BNIP2: variants seen among roughly 807,000 people sequenced by gnomAD.
BNIP2 encodes the protein BCL2 interacting protein 2.
Under a neutral mutation model 43.4 loss-of-function variants are expected in BNIP2, and 36 were observed. The observed-to-expected ratio is 0.83, with a 90% CI of 0.64 to 1.10. The LOEUF (loss-of-function observed/expected upper bound fraction) is 1.10, where lower values mean the gene tolerates loss of function less well. Among genes scored for constraint, BNIP2 ranks in the 50% least tolerant of loss-of-function variants. The pLI is 0.00. For missense variants in BNIP2, 417 were observed against 374.1 expected (o/e 1.11, Z -0.95); for synonymous variants, 146 against 121.0 (o/e 1.21, Z -1.35).
chr15:59,688,980 C>A, intron 1 of BNIP2, 155 bp downstream of exon 1: 1 of 1,442,714 alleles, frequency 6.9e-7, no homozygotes, highest in Non-Finnish European at 9.0e-7. Context: ...GAAGCACCTC[C>A]CGAGCAGGTT....
intron 9 of BNIP2, among the ~76,000 whole-genome samples, chr15:59,667,300 C>T (rs2141988820): frequency 6.6e-6 from 1 of 152,306 alleles, no homozygotes; most frequent in East Asian, 1.9e-4. Context: ...AAGATAATTA[C>T]ATATAAATCT....
chr15:59,669,911 C>T (rs557612646), intron 7 of BNIP2, among the ~76,000 whole-genome samples: 1 of 152,302 alleles, frequency 6.6e-6, no homozygotes, highest in South Asian at 2.1e-4. Flanking sequence ...ATGCATATTT[C>T]ACACATAAAG....
intron 5 of BNIP2, among the ~76,000 whole-genome samples, chr15:59,674,974 G>C (rs1893176834): frequency 6.6e-6 from 1 of 152,116 alleles, no homozygotes; most frequent in African/African-American, 2.4e-5. Context: ...ATTTGGCCTG[G>C]GCACTGTGGC....
intron 5 of BNIP2, among the ~76,000 whole-genome samples, chr15:59,674,034 G>A (rs1487459381): frequency 1.4e-5 from 2 of 147,182 alleles, no homozygotes; most frequent in Admixed American, 6.9e-5. Flanking sequence ...AGGTTGCAGT[G>A]AGTCGAGACT....
At chr15:59,676,984 G>C (rs971068363) in intron 5 of BNIP2, 2 of 1,613,600 alleles carry the variant, frequency 1.2e-6, no homozygotes, top group South Asian at 2.2e-5. Flanking sequence ...TCTTAGGTCT[G>C]CTTGGTTATC....
At chr15:59,664,156 C>A (rs2141983333) in intron 9 of BNIP2, 36 bp from the exon 10 acceptor site, 2 of 1,331,874 alleles carry the variant, frequency 1.5e-6, no homozygotes, top group South Asian at 1.4e-5. Flanking sequence ...AAGAAACCAG[C>A]AACTGAACAA....
intron 6 of BNIP2, among the ~76,000 whole-genome samples, chr15:59,672,070 C>T: frequency 6.6e-6 from 1 of 152,074 alleles, no homozygotes; most frequent in Non-Finnish European, 1.5e-5. Flanking sequence ...AGTGAAACTC[C>T]ATCTCAAAAC....
At chr15:59,671,709 AAG>A (rs1412164036) in intron 6 of BNIP2, among the ~76,000 whole-genome samples, 1 of 152,244 alleles carries the variant, frequency 6.6e-6, no homozygotes, top group Non-Finnish European at 1.5e-5. Flanking sequence ...CTTGTGGAAA[AAG>A]AACTGATTTG....
Position 59,662,002 on chromosome 15 carries a change from A to C in BNIP2, c.*2067T>G, listed in dbSNP as rs1892302748. 1 of 152,216 alleles carries C rather than the reference A, an allele frequency of 6.6e-6. No individual in the cohort carries two copies. Among genetic ancestry groups the C allele is most frequent in the South Asian group, 2.1e-4 (1 of 4,826 alleles). 9.4% of individuals were successfully genotyped at this position (152,216 alleles called of 1,614,324 possible). ...TCTGAATTTTAATGTTTAACAGAAT[A>C]GTCTTCTACTTTTAAAAAAAATTCA... On this transcript the variant is annotated 3_prime_UTR_variant, in exon 10 of 10. Transcript: ENST00000607373.
chr15:59,668,726 G>A, intron 9 of BNIP2, 166 bp downstream of exon 9: 1 of 559,826 alleles, frequency 1.8e-6, no homozygotes, highest in Non-Finnish European at 3.0e-6. Context: ...GGGATGGTGT[G>A]GGAAAATGGC....
intron 1 of BNIP2, among the ~76,000 whole-genome samples, chr15:59,686,058 G>A (rs1303609631): frequency 1.3e-5 from 2 of 152,118 alleles, no homozygotes; most frequent in Non-Finnish European, 2.9e-5. Flanking sequence ...TCTTGGTAGT[G>A]GTGGCACATC....
At chr15:59,679,884 A>T in intron 3 of BNIP2, 116 bp from the exon 4 acceptor site, 1 of 987,676 alleles carries the variant, frequency 1.0e-6, no homozygotes, top group African/African-American at 1.7e-5. Flanking sequence ...AATTGAACAT[A>T]ATTTCAAAGC....
rs553517321 is a variant in BNIP2 at position 59,663,828 on chromosome 15, G to A, written c.*241C>T. On this transcript the variant is annotated 3_prime_UTR_variant, in exon 10 of 10. Coordinates refer to ENST00000607373, the MANE Select transcript of BNIP2 (RefSeq NM_004330.4). Reference sequence around the variant, plus strand: ...TATATAAAGTGTGGTTCTCTATTTAGCAATATAAAATATAAAACGATAATA... The same window carrying A: ...TATATAAAGTGTGGTTCTCTATTTAACAATATAAAATATAAAACGATAATA... 7 of 334,366 alleles carry A rather than the reference G, an allele frequency of 2.1e-5. No homozygotes were observed. The highest frequency in any genetic ancestry group is 3.8e-5 in the Non-Finnish European group (7 of 186,590). 20.7% of individuals were successfully genotyped at this position (334,366 alleles called of 1,614,324 possible). A position where few individuals can be genotyped will look rare whatever the true frequency, so the allele number is the denominator to read the frequency against.
chr15:59,689,023 G>T, intron 1 of BNIP2, 112 bp downstream of exon 1: 2 of 1,449,432 alleles, frequency 1.4e-6, no homozygotes, highest in Non-Finnish European at 1.8e-6. Context: ...TAACTCTCTG[G>T]GTTTCCTCTC....
At chr15:59,664,287 G>C (rs1365366065) in intron 9 of BNIP2, among the ~76,000 whole-genome samples, 167 bp from the exon 10 acceptor site, 1 of 152,150 alleles carries the variant, frequency 6.6e-6, no homozygotes, top group Non-Finnish European at 1.5e-5. Context: ...AACCAGAAAA[G>C]AGAATTTTTA....
chr15:59,665,062 G>C (rs575397132), intron 9 of BNIP2, among the ~76,000 whole-genome samples: 80 of 152,144 alleles, frequency 5.3e-4, no homozygotes, highest in African/African-American at 1.7e-3. Flanking sequence ...TCAGGAGTTC[G>C]AGACCAGCCT....
rs1892713631 is a variant in BNIP2, at chr15:59,668,747, TTTTC to T, written c.893+141_893+144del. The T allele has an allele frequency of 1.6e-5, 10 of 634,340 alleles. No individual in the cohort carries two copies. In the South Asian group the frequency reaches 3.4e-4, roughly 22 times the overall value. 39.3% of individuals were successfully genotyped at this position (634,340 alleles called of 1,614,324 possible). On this transcript the variant is annotated intron_variant, in intron 9 of 9. Coordinates refer to ENST00000607373, the MANE Select transcript of BNIP2 (RefSeq NM_004330.4). ...GTGTGGGAAAATGGCTTCTTCCTCTTTTTCTTTGTTACACACACACACACACGCG... is the reference window on the plus strand; with the variant it reads ...GTGTGGGAAAATGGCTTCTTCCTCTTTTTGTTACACACACACACACACGCG...
chr15:59,687,103 A>T (rs1294850797), intron 1 of BNIP2, among the ~76,000 whole-genome samples: 1 of 152,228 alleles, frequency 6.6e-6, no homozygotes, highest in Non-Finnish European at 1.5e-5. Flanking sequence ...AAATTGTGAA[A>T]ATAAATCAAA....
chr15:59,677,086 C>T lies in BNIP2; in HGVS notation c.472+825G>A, dbSNP rs536189039. 5.6e-6 allele frequency: 9 copies of T among 1,610,102 alleles called. No individual in the cohort carries two copies. In the East Asian group the frequency reaches 2.0e-4, roughly 36 times the overall value. ...TCTTATGCTTCAGGCTAAGAAAGCA[C>T]TACCTTCATAGAAATGGGCAAGGTC... On this transcript the variant is annotated intron_variant, in intron 5 of 9. Transcript: ENST00000607373.
Sources: gnomAD v4.1 joint callset for allele counts (sites outside exome capture counted in the v4.1 genomes callset) on GRCh38, gnomAD v4.1.1 for gene constraint, MANE v1.5 for transcripts, NCBI Gene and HGNC (gene_info 2026-07-23, HGNC 2026-07-21) for gene names.